RORA: variants seen among roughly 807,000 people sequenced by gnomAD.
RORA encodes the protein nuclear receptor ROR-alpha.
Under a neutral mutation model 69.5 loss-of-function variants are expected in RORA, and 7 were observed. The ratio of observed to expected loss-of-function variants is 0.10; its 90% CI spans 0.06 to 0.19. The LOEUF is 0.19. RORA is among the 10% of genes least tolerant of loss of function. RORA has a pLI of 1.00. For synonymous variants in RORA, 261 were observed against 240.8 expected, an observed-to-expected ratio of 1.08 and a Z score of -0.78; for missense variants, 457 against 663.0, an observed-to-expected ratio of 0.69 and a Z score of 3.41.
chr15:60,626,609 C>G (rs1429502864), intron 2 of RORA, among the ~76,000 whole-genome samples: 21 of 152,126 alleles, frequency 1.4e-4, no homozygotes, highest in Admixed American at 1.4e-3. Flanking sequence ...CCATCATAAA[C>G]CCATGAGGCT....
At chr15:60,677,017 AG>A in intron 2 of RORA, 1 of 345,130 alleles carries the variant, frequency 2.9e-6, no homozygotes, top group Non-Finnish European at 5.9e-6. Flanking sequence ...TAATGCAAAC[AG>A]TCAGTAGCTT....
intron 1 of RORA, among the ~76,000 whole-genome samples, chr15:61,020,244 C>A (rs896763819): frequency 3.3e-5 from 5 of 152,200 alleles, no homozygotes; most frequent in African/African-American, 4.8e-5. Flanking sequence ...ATCACCTCCA[C>A]TTAGCTTCCC....
rs2065013892 is a variant in RORA, at chr15:60,489,861, T to C, written c.*7594A>G. 1 of 152,142 alleles carries C rather than the reference T, an allele frequency of 6.6e-6. No homozygotes were observed. The highest frequency in any genetic ancestry group is 6.5e-5 in the Admixed American group (1 of 15,272). 9.4% of individuals were successfully genotyped at this position (152,142 alleles called of 1,614,324 possible). On this transcript the variant is annotated 3_prime_UTR_variant, in exon 11 of 11. Coordinates refer to ENST00000335670, the MANE Select transcript of RORA (RefSeq NM_134261.3). ...AATTCCTTAATAAGAAAAAAAAGTATATTACTCCATTAAACAAGTTTCTTT... is the reference window on the plus strand; with the variant it reads ...AATTCCTTAATAAGAAAAAAAAGTACATTACTCCATTAAACAAGTTTCTTT...
At chr15:61,117,082 GATA>G (rs1324336513) in intron 1 of RORA, among the ~76,000 whole-genome samples, 4 of 151,816 alleles carry the variant, frequency 2.6e-5, no homozygotes, top group Non-Finnish European at 5.9e-5. Context: ...TATAATTTAT[GATA>G]ATGTTAAGTC....
chr15:60,929,476 C>T (rs1256896583), intron 1 of RORA, among the ~76,000 whole-genome samples: 1 of 152,198 alleles, frequency 6.6e-6, no homozygotes. Context: ...TTATTTCCAT[C>T]CTCCTGGTTC....
At chr15:61,065,608 A>G (rs1291692269) in intron 1 of RORA, among the ~76,000 whole-genome samples, 2 of 152,218 alleles carry the variant, frequency 1.3e-5, no homozygotes, top group Non-Finnish European at 2.9e-5. Flanking sequence ...AGCCTGGGAG[A>G]GGCTGGTCAG....
intron 1 of RORA, among the ~76,000 whole-genome samples, chr15:60,933,886 A>C (rs1167239202): frequency 6.6e-6 from 1 of 152,216 alleles, no homozygotes; most frequent in East Asian, 1.9e-4. Flanking sequence ...GGGTGTGTGC[A>C]CACAGACTCC....
intron 1 of RORA, among the ~76,000 whole-genome samples, chr15:61,095,815 G>T (rs1245875904): frequency 6.6e-6 from 1 of 152,146 alleles, no homozygotes; most frequent in Non-Finnish European, 1.5e-5. Context: ...GCCCATACAG[G>T]CCCTGAACAA....
intron 1 of RORA, among the ~76,000 whole-genome samples, chr15:60,963,492 T>C (rs1893469533): frequency 6.6e-6 from 1 of 152,152 alleles, no homozygotes; most frequent in African/African-American, 2.4e-5. Flanking sequence ...CTAGAGCAAT[T>C]ATCTGGGTGG....
intron 1 of RORA, among the ~76,000 whole-genome samples, chr15:60,852,203 C>T (rs997448161): frequency 6.6e-6 from 1 of 152,120 alleles, no homozygotes; most frequent in African/African-American, 2.4e-5. Flanking sequence ...TGAATACCAA[C>T]GATGTGTCTG....
intron 1 of RORA, among the ~76,000 whole-genome samples, chr15:60,761,638 G>GT (rs1397885519): frequency 1.3e-5 from 2 of 152,178 alleles, no homozygotes; most frequent in African/African-American, 4.8e-5. Context: ...GTGTGCCTGA[G>GT]TAAGTAAAAC....
chr15:60,800,383 GAGA>G (rs1258910503), intron 1 of RORA, among the ~76,000 whole-genome samples: 4 of 152,220 alleles, frequency 2.6e-5, no homozygotes, highest in Non-Finnish European at 5.9e-5. Context: ...TTATGAAGCA[GAGA>G]AGGAAATGCC....
intron 1 of RORA, among the ~76,000 whole-genome samples, chr15:61,223,237 C>T (rs1318807223): frequency 6.7e-6 from 1 of 149,652 alleles, no homozygotes; most frequent in Admixed American, 6.7e-5. Context: ...TTGCTTGAAC[C>T]CGGGAGGCAG....
At chr15:61,050,995 A>C (rs1010661662) in intron 1 of RORA, among the ~76,000 whole-genome samples, 1 of 152,216 alleles carries the variant, frequency 6.6e-6, no homozygotes, top group Non-Finnish European at 1.5e-5. Flanking sequence ...GCATTTCCCC[A>C]GAGGTGACAG....
intron 2 of RORA, among the ~76,000 whole-genome samples, chr15:60,659,289 C>T (rs1433965772): frequency 6.6e-6 from 1 of 152,150 alleles, no homozygotes; most frequent in African/African-American, 2.4e-5. Flanking sequence ...TGAAGGGTCC[C>T]AGTCTTGCTT....
At chr15:61,114,817 C>T (rs539347457) in intron 1 of RORA, among the ~76,000 whole-genome samples, 1 of 152,330 alleles carries the variant, frequency 6.6e-6, no homozygotes, top group South Asian at 2.1e-4. Context: ...CCCACACAGA[C>T]ATGGTCAGGA....
intron 1 of RORA, among the ~76,000 whole-genome samples, chr15:61,062,123 G>A (rs2078195320): frequency 2.0e-5 from 3 of 152,188 alleles, no homozygotes; most frequent in Non-Finnish European, 4.4e-5. Context: ...CCCACCCTAT[G>A]GAGCACTGCC....
chr15:60,866,847 TCTATCTAC>T lies in RORA; in HGVS notation c.167-188169_167-188162del, dbSNP rs1306837342. 6.6e-3 allele frequency among the ~76,000 whole-genome samples: 1,006 copies of T among 151,558 alleles called. 18 individuals are homozygous for T. The highest frequency in any genetic ancestry group is 0.023 in the African/African-American group (933 of 41,302). On this transcript the variant is annotated intron_variant, in intron 1 of 10. Coordinates refer to ENST00000335670, the MANE Select transcript of RORA (RefSeq NM_134261.3). ...ATCTATCTATCTATCTATCTATCTA[TCTATCTAC>T]CTACCTACCTATCTACCTATCTAGT...
At chr15:61,083,702 C>T (rs2078579234) in intron 1 of RORA, among the ~76,000 whole-genome samples, 1 of 151,990 alleles carries the variant, frequency 6.6e-6, no homozygotes, top group Admixed American at 6.6e-5. Flanking sequence ...CACACTTCCA[C>T]CCACTTCTCC....
Sources: allele counts gnomAD v4.1 joint callset (sites outside exome capture counted in the v4.1 genomes callset), GRCh38; gene constraint gnomAD v4.1.1; transcripts MANE v1.5; gene names NCBI Gene and HGNC (gene_info 2026-07-23, HGNC 2026-07-21).